The following CFAP100 variants were observed in gnomAD, a reference collection of about 807,000 sequenced individuals.
CFAP100 encodes the protein cilia and flagella associated protein 100, also known as cilia- and flagella-associated protein 100.
In CFAP100, 70 loss-of-function variants were observed where a neutral mutation model predicts 81.5. That is an observed-to-expected ratio of 0.86 (90% confidence interval 0.71 to 1.05). The LOEUF (loss-of-function observed/expected upper bound fraction) is 1.05, where lower values mean the gene tolerates loss of function less well. CFAP100 is among the 50% of genes least tolerant of loss of function. The pLI, the probability that CFAP100 is intolerant of heterozygous loss-of-function variation, is 0.00. For synonymous variants in CFAP100, 341 were observed against 314.8 expected (o/e 1.08, Z -0.88); for missense variants, 811 against 776.5 (o/e 1.04, Z -0.53).
chr3:126,433,969 C>CTG (rs1385429336), intron 14 of CFAP100: 5 of 551,588 alleles, frequency 9.1e-6, no homozygotes, highest in African/African-American at 7.6e-5. Flanking sequence ...AGGGATCTGG[C>CTG]TGACTCCAGG....
At chr3:126,397,611 C>A (rs971217635) in intron 2 of CFAP100, among the ~76,000 whole-genome samples, 1 of 152,096 alleles carries the variant, frequency 6.6e-6, no homozygotes, top group African/African-American at 2.4e-5. Flanking sequence ...AGGGCCTGTG[C>A]ATTTGTGAGA....
rs149511023 is a variant in CFAP100, at chr3:126,418,713, G to A, written c.589G>A (p.Ala197Thr). The A allele has an allele frequency of 5.4e-3, 8,642 of 1,592,164 alleles. 33 individuals carry two copies. Among genetic ancestry groups the A allele is most frequent in the Middle Eastern group, 7.8e-3 (47 of 5,996 alleles). The change falls in exon 7 of 17, where the codon GCC becomes ACC. Residue 197 changes from alanine (A) to threonine (T), a missense_variant. Ala to Thr is a moderately conservative substitution (Grantham distance 58). Transcript: ENST00000352312. ...GGCCGAGAAATCCCTGGAGAAGGAC[G>A]CCGCCTTGTTCGACGAGTTCGTCAG... ...ERAEKSLEKD[A>T]ALFDEFVREN...
intron 5 of CFAP100, chr3:126,418,025 T>G: frequency 5.4e-6 from 1 of 186,688 alleles, no homozygotes; most frequent in South Asian, 1.1e-4. Context: ...ACTCAGCCTC[T>G]GCCCAGTTTG....
At chr3:126,421,987 G>C (rs899865974) in intron 11 of CFAP100, among the ~76,000 whole-genome samples, 1 of 152,242 alleles carries the variant, frequency 6.6e-6, no homozygotes, top group African/African-American at 2.4e-5. Flanking sequence ...TACCAGACAG[G>C]CCCTCACTTG....
At chr3:126,430,902 G>T (rs910131588) in intron 13 of CFAP100, among the ~76,000 whole-genome samples, 2 of 152,044 alleles carry the variant, frequency 1.3e-5, no homozygotes, top group African/African-American at 4.8e-5. Context: ...CAGGCAGATT[G>T]TAGATCTTTA....
chr3:126,416,270 C>T (rs1450117449), intron 4 of CFAP100, 46 bp from the exon 5 acceptor site: 3 of 1,445,832 alleles, frequency 2.1e-6, no homozygotes, highest in Non-Finnish European at 2.8e-6. Context: ...GGCCTGGACG[C>T]GGGTGGGGAG....
At chr3:126,395,883 G>C (rs781673912) in intron 1 of CFAP100, 59 bp from the exon 2 acceptor site, 1 of 863,826 alleles carries the variant, frequency 1.2e-6, no homozygotes, top group Admixed American at 2.0e-5. Flanking sequence ...CAGCCACCCA[G>C]GGGGAAGGAA....
At position 126,423,772 on chromosome 3, in the gene CFAP100, G is replaced by C. The variant is rs953276042; in HGVS notation, c.1286+128G>C. 5 of 1,163,720 alleles carry C rather than the reference G, an allele frequency of 4.3e-6. No individual in the cohort carries two copies. The African/African-American group carries it at 7.7e-5, about 18-fold the overall frequency. 72.1% of individuals were successfully genotyped at this position (1,163,720 alleles called of 1,614,324 possible). A position where few individuals can be genotyped will look rare whatever the true frequency, so the allele number is the denominator to read the frequency against. Reference sequence around the variant, plus strand: ...GGCCCTGGCCTGGTCCAGGTTGTCTGAAAAGCTCCGAGCGAAGCTCCGTTT... The same window carrying C: ...GGCCCTGGCCTGGTCCAGGTTGTCTCAAAAGCTCCGAGCGAAGCTCCGTTT... On this transcript the variant is annotated intron_variant, in intron 13 of 16. Coordinates refer to ENST00000352312, the MANE Select transcript of CFAP100 (RefSeq NM_182628.3).
chr3:126,433,108 A>G lies in CFAP100; in HGVS notation c.1326A>G (p.Thr442=). 1 of 1,614,190 alleles carries G rather than the reference A, an allele frequency of 6.2e-7. No individual in the cohort carries two copies. ...ACCAGCTGAAGCAGTGGGTCACCACAATGATGATGTCCATCACCAAGGAGG... is the reference window on the plus strand; with the variant it reads ...ACCAGCTGAAGCAGTGGGTCACCACGATGATGATGTCCATCACCAAGGAGG... The part of the protein sequence containing the change: ...EVNQLKQWVT[T]MMMSITKEED... Residue 442 remains threonine (T), a synonymous_variant, in exon 14 of 17, where the codon ACA becomes ACG. Transcript: ENST00000352312.
chr3:126,398,237 A>G (rs2082918803), intron 2 of CFAP100, among the ~76,000 whole-genome samples: 1 of 152,176 alleles, frequency 6.6e-6, no homozygotes. Flanking sequence ...CTGCACCCTC[A>G]GCACCCAGCC....
chr3:126,431,755 C>G (rs1159895060), intron 13 of CFAP100, among the ~76,000 whole-genome samples: 1 of 152,098 alleles, frequency 6.6e-6, no homozygotes, highest in African/African-American at 2.4e-5. Flanking sequence ...TTCCCCCTTG[C>G]CATCCATTTG....
chr3:126,419,550 G>A (rs1223014485), intron 8 of CFAP100, 87 bp from the exon 9 acceptor site: 6 of 1,263,130 alleles, frequency 4.8e-6, no homozygotes, highest in Non-Finnish European at 6.8e-6. Context: ...GACTTGGCCA[G>A]GATGGAGGGG....
rs1417815232 is a variant in CFAP100, at chr3:126,417,817, G to A, written c.419-641G>A. On this transcript the variant is annotated intron_variant, in intron 5 of 16. Coordinates refer to ENST00000352312, the MANE Select transcript of CFAP100 (RefSeq NM_182628.3). ...GGAAAGGGTGTGAGGGACAGGGCCAGAGAGCCCCATGGTTTCCAGGTCCTT... is the reference window on the plus strand; with the variant it reads ...GGAAAGGGTGTGAGGGACAGGGCCAAAGAGCCCCATGGTTTCCAGGTCCTT... Among the ~76,000 whole-genome samples, 4 of 152,254 alleles carry A rather than the reference G, an allele frequency of 2.6e-5. No homozygotes were observed. In the East Asian group the frequency reaches 7.7e-4, roughly 29 times the overall value.
intron 2 of CFAP100, among the ~76,000 whole-genome samples, chr3:126,403,296 C>T (rs1051455497): frequency 3.3e-5 from 5 of 151,698 alleles, no homozygotes; most frequent in Non-Finnish European, 7.4e-5. Flanking sequence ...GAGAATGGCC[C>T]GGGACACAGC....
chr3:126,433,339 G>T (rs1428164408), intron 14 of CFAP100, 135 bp downstream of exon 14: 7 of 1,100,438 alleles, frequency 6.4e-6, no homozygotes, highest in Non-Finnish European at 9.2e-6. Flanking sequence ...CCCTTGCCCT[G>T]CCTCCCTCCA....
intron 13 of CFAP100, among the ~76,000 whole-genome samples, chr3:126,425,768 A>G (rs2083395364): frequency 6.6e-6 from 1 of 152,232 alleles, no homozygotes. Flanking sequence ...AACATTCAAA[A>G]CTTAACATAA....
At chr3:126,419,568 G>C in intron 8 of CFAP100, 69 bp from the exon 9 acceptor site, 1 of 1,455,468 alleles carries the variant, frequency 6.9e-7, no homozygotes, top group South Asian at 1.2e-5. Context: ...GGGTGGCCCC[G>C]GCATGGGGAC....
At chr3:126,396,303 C>G (rs926206734) in intron 2 of CFAP100, among the ~76,000 whole-genome samples, 1 of 152,126 alleles carries the variant, frequency 6.6e-6, no homozygotes, top group Non-Finnish European at 1.5e-5. Context: ...TCAAGTTGTC[C>G]AAAAGGCTAG....
intron 3 of CFAP100, among the ~76,000 whole-genome samples, chr3:126,409,415 T>A (rs1409469760): frequency 9.2e-5 from 14 of 152,246 alleles, no homozygotes; most frequent in Admixed American, 9.2e-4. Context: ...ATAATACTGC[T>A]ATGAAGTCTT....
Sources: gnomAD v4.1 joint callset for allele counts (sites outside exome capture counted in the v4.1 genomes callset) on GRCh38, gnomAD v4.1.1 for gene constraint, MANE v1.5 for transcripts, NCBI Gene and HGNC (gene_info 2026-07-23, HGNC 2026-07-21) for gene names.